Variants in FA2H observed in about 807,000 individuals in gnomAD.
FA2H encodes fatty acid 2-hydroxylase.
Under a neutral mutation model 44.9 loss-of-function variants are expected in FA2H, and 22 were observed. The observed-to-expected ratio is 0.49, with a 90% CI of 0.35 to 0.70. FA2H has a LOEUF of 0.70. FA2H is among the 30% of genes least tolerant of loss of function. The pLI, the probability that FA2H is intolerant of heterozygous loss-of-function variation, is 0.01. For synonymous variants in FA2H, 243 were observed against 213.2 expected (o/e 1.14, Z -1.22); for missense variants, 501 against 504.9 (o/e 0.99, Z 0.07).
chr16:74,727,361 A>G lies in FA2H; in HGVS notation c.389T>C (p.Leu130Pro). 4 of 1,614,256 alleles carry G rather than the reference A, an allele frequency of 2.5e-6. No homozygotes were observed. The highest frequency in any genetic ancestry group is 3.4e-6 in the Non-Finnish European group (4 of 1,180,048). ...DKDLVDWRKP[L>P]LWQVGHLGEK... ...TCCCAAGTGGCCCACCTGCCACAGGAGAGGCTTTCGCCAGTCCACCAGGTC... is the reference window on the plus strand; with the variant it reads ...TCCCAAGTGGCCCACCTGCCACAGGGGAGGCTTTCGCCAGTCCACCAGGTC... The change falls in exon 3 of 7, where the codon CTC (leucine) becomes CCC (proline). Residue 130 changes from leucine (L) to proline (P), a missense_variant. Leu to Pro is a moderately conservative substitution (Grantham distance 98). Transcript: ENST00000219368.
chr16:74,722,705 G>A (rs1474479530), intron 4 of FA2H, among the ~76,000 whole-genome samples: 1 of 152,106 alleles, frequency 6.6e-6, no homozygotes, highest in Non-Finnish European at 1.5e-5. Context: ...CTGAGGTCAG[G>A]AGTTCGAGAC....
intron 1 of FA2H, among the ~76,000 whole-genome samples, chr16:74,741,808 ATGTGTGTG>A (rs1208446986): frequency 2.1e-5 from 1 of 48,414 alleles, no homozygotes; most frequent in African/African-American, 1.1e-4. Context: ...ATATATATAT[ATGTGTGTG>A]TGTGTGTGTG....
chr16:74,755,170 T>C lies in FA2H; in HGVS notation c.271-15055A>G, dbSNP rs556829059. Among the ~76,000 whole-genome samples, 12 of 150,780 alleles carry C rather than the reference T, an allele frequency of 8.0e-5. No homozygotes were observed. The South Asian group carries it at 2.5e-3, about 32-fold the overall frequency. On this transcript the variant is annotated intron_variant, in intron 1 of 6. Coordinates refer to ENST00000219368, the MANE Select transcript of FA2H (RefSeq NM_024306.5). ...GAGAATACATTTGTGTTTTTTTTTT[T>C]GGCAGGGCTGGGGGGTGTTGGTGGG...
rs1187490570 is a variant in FA2H at position 74,774,628 on chromosome 16, T to G, written c.128A>C (p.His43Pro). ...CCGCAGCAGCTGCTCGCCCCCCGGG[T>G]GGTGCCGCACGAAGCTGGAGAGGTC... The part of the protein sequence containing the change: ...LYDLSSFVRH[H>P]PGGEQLLRAR... The change falls in exon 1 of 7, where the codon CAC becomes CCC. Residue 43 changes from histidine (H) to proline (P), a missense_variant. By Grantham distance (77) the His-to-Pro change is moderately conservative. Coordinates refer to ENST00000219368, the MANE Select transcript of FA2H (RefSeq NM_024306.5). The G allele has an allele frequency of 6.6e-7, 1 of 1,514,962 alleles. No individual in the cohort carries two copies. Among genetic ancestry groups the G allele is most frequent in the Non-Finnish European group, 8.8e-7 (1 of 1,139,892 alleles). The allele number at this position is 1,514,962 out of a possible 1,614,324, so 93.8% of individuals were successfully genotyped here.
At chr16:74,751,550 A>G (rs191342433) in intron 1 of FA2H, among the ~76,000 whole-genome samples, 30 of 152,114 alleles carry the variant, frequency 2.0e-4, no homozygotes, top group Non-Finnish European at 7.4e-5. Context: ...TTAAATGACC[A>G]CAGGGTAAAT....
intron 1 of FA2H, among the ~76,000 whole-genome samples, chr16:74,743,705 C>T (rs1024063130): frequency 6.6e-6 from 1 of 152,146 alleles, no homozygotes; most frequent in Non-Finnish European, 1.5e-5. Context: ...CTAGGGCCAC[C>T]CCAGGGAGCA....
chr16:74,760,626 C>T (rs2144657945), intron 1 of FA2H, among the ~76,000 whole-genome samples: 1 of 152,290 alleles, frequency 6.6e-6, no homozygotes, highest in South Asian at 2.1e-4. Context: ...CATGAGTATA[C>T]TCATTGCCTC....
At chr16:74,754,722 C>T (rs1962584353) in intron 1 of FA2H, among the ~76,000 whole-genome samples, 1 of 151,976 alleles carries the variant, frequency 6.6e-6, no homozygotes, top group Non-Finnish European at 1.5e-5. Context: ...GAGACAGGGT[C>T]TCCCTATGTT....
chr16:74,740,620 A>AAATAAT (rs71378704), intron 1 of FA2H, among the ~76,000 whole-genome samples: 6,693 of 135,256 alleles, frequency 0.049, 185 homozygotes, highest in East Asian at 0.095. Context: ...CTCCATCTCA[A>AAATAAT]AATAATAATA....
chr16:74,734,160 G>A (rs868375213), intron 2 of FA2H, among the ~76,000 whole-genome samples: 29 of 152,226 alleles, frequency 1.9e-4, no homozygotes, highest in Admixed American at 1.0e-3. Flanking sequence ...GGCTATGTAC[G>A]TGGCTCGGGT....
At chr16:74,724,026 C>T (rs1325518634) in intron 4 of FA2H, among the ~76,000 whole-genome samples, 1 of 152,102 alleles carries the variant, frequency 6.6e-6, no homozygotes, top group East Asian at 1.9e-4. Flanking sequence ...CTCAGCCTTC[C>T]AAGTAGCTGA....
chr16:74,716,387 C>A lies in FA2H; in HGVS notation c.999G>T (p.Lys333Asn). ...PHKGSYLYSL[K>N]AHHVKHHFAH... ...CAAAGTGGTGCTTGACGTGGTGGGC[C>A]TTCAGGCTGTACAGGTAGGAGCCCT... is the stretch of plus-strand genomic sequence containing the variant. The change falls in exon 6 of 7, where the codon AAG becomes AAT. Residue 333 changes from lysine (K) to asparagine (N), a missense_variant. Physicochemically the swap from Lys to Asn is moderately conservative, Grantham distance 94. Coordinates refer to ENST00000219368, the MANE Select transcript of FA2H (RefSeq NM_024306.5). 6.2e-7 allele frequency: 1 copy of A among 1,613,972 alleles called. No individual in the cohort carries two copies. Among genetic ancestry groups the A allele is most frequent in the Non-Finnish European group, 8.5e-7 (1 of 1,179,976 alleles).
intron 1 of FA2H, among the ~76,000 whole-genome samples, chr16:74,767,965 T>A (rs1460335448): frequency 6.6e-6 from 1 of 152,002 alleles, no homozygotes; most frequent in Non-Finnish European, 1.5e-5. Context: ...GACCACCGGG[T>A]GGAGGAAGGC....
At chr16:74,736,336 G>A (rs970157306) in intron 2 of FA2H, among the ~76,000 whole-genome samples, 7 of 152,122 alleles carry the variant, frequency 4.6e-5, no homozygotes, top group Non-Finnish European at 1.0e-4. Context: ...AGGCCCAAGG[G>A]GACCCAAGGC....
At chr16:74,726,763 A>G (rs1238511142) in intron 3 of FA2H, among the ~76,000 whole-genome samples, 2 of 152,188 alleles carry the variant, frequency 1.3e-5, no homozygotes, top group African/African-American at 4.8e-5. Context: ...CAGAATGCCT[A>G]TGGAGACCTG....
intron 4 of FA2H, among the ~76,000 whole-genome samples, chr16:74,724,238 C>T (rs971349170): frequency 1.3e-5 from 2 of 152,124 alleles, no homozygotes; most frequent in African/African-American, 2.4e-5. Flanking sequence ...ACTGGACGTA[C>T]GGGAGCACTC....
rs140017632 is a variant in FA2H at position 74,714,196 on chromosome 16, C to A, written c.1113G>T (p.Thr371=). The A allele has an allele frequency of 1.3e-6, 2 of 1,559,738 alleles. No homozygotes were observed. The highest frequency in any genetic ancestry group is 2.4e-5 in the East Asian group (1 of 41,740). The part of the protein sequence containing the change: ...TLTPEKPHLK[T]Q ...ACGGAGGGGGTGGGAGTTGTCACTG[C>A]GTCTTCAGGTGGGGTTTCTCTGGAG... The change falls in exon 7 of 7, where the codon ACG becomes ACT. Residue 371 remains threonine (T), a synonymous_variant. Coordinates refer to ENST00000219368, the MANE Select transcript of FA2H (RefSeq NM_024306.5).
chr16:74,725,200 T>A (rs539027888), intron 4 of FA2H, among the ~76,000 whole-genome samples: 1 of 152,348 alleles, frequency 6.6e-6, no homozygotes, highest in Admixed American at 6.5e-5. Context: ...AGACTCATCC[T>A]GGGTCAGGTG....
chr16:74,759,692 T>C (rs776435014), intron 1 of FA2H, among the ~76,000 whole-genome samples: 4 of 152,176 alleles, frequency 2.6e-5, no homozygotes, highest in African/African-American at 9.7e-5. Context: ...GCTTAGGGAG[T>C]CACAGCCATG....
Sources: gnomAD v4.1 joint callset for allele counts (sites outside exome capture counted in the v4.1 genomes callset) on GRCh38, gnomAD v4.1.1 for gene constraint, MANE v1.5 for transcripts, NCBI Gene and HGNC (gene_info 2026-07-23, HGNC 2026-07-21) for gene names.